SGCZ: variants seen among roughly 807,000 people sequenced by gnomAD.
The protein encoded by SGCZ is zeta-sarcoglycan.
In SGCZ, 40 loss-of-function variants were observed where a neutral mutation model predicts 41.3. The ratio of observed to expected loss-of-function variants is 0.97; its 90% CI spans 0.75 to 1.26. The LOEUF is 1.26. Among genes scored for constraint, SGCZ ranks in the 50% most tolerant of loss-of-function variants. SGCZ has a pLI of 0.00. For synonymous variants in SGCZ, 206 were observed against 137.5 expected, an observed-to-expected ratio of 1.50 and a Z score of -3.49; for missense variants, 552 against 369.8, an observed-to-expected ratio of 1.49 and a Z score of -4.04.
At chr8:15,049,535 A>G (rs945865413) in intron 1 of SGCZ, among the ~76,000 whole-genome samples, 2 of 152,272 alleles carry the variant, frequency 1.3e-5, no homozygotes, top group Non-Finnish European at 2.9e-5. Flanking sequence ...CTGACTCTCC[A>G]ATATTGAATG....
chr8:14,356,924 A>C (rs1285477364), intron 2 of SGCZ, among the ~76,000 whole-genome samples: 1 of 152,074 alleles, frequency 6.6e-6, no homozygotes, highest in Non-Finnish European at 1.5e-5. Flanking sequence ...TAATTTTGGC[A>C]TAAGTATGCC....
intron 1 of SGCZ, among the ~76,000 whole-genome samples, chr8:14,930,458 C>T (rs566753289): frequency 1.2e-4 from 19 of 152,070 alleles, no homozygotes; most frequent in African/African-American, 3.4e-4. Context: ...ACTAGAAATA[C>T]CATTTGACTC....
At chr8:14,688,590 T>G (rs1808694821) in intron 1 of SGCZ, among the ~76,000 whole-genome samples, 1 of 152,214 alleles carries the variant, frequency 6.6e-6, no homozygotes, top group African/African-American at 2.4e-5. Context: ...CTGTTTTGGT[T>G]ACTGTAGCCT....
intron 3 of SGCZ, among the ~76,000 whole-genome samples, chr8:14,317,757 G>A (rs979496998): frequency 6.6e-6 from 1 of 151,548 alleles, no homozygotes; most frequent in African/African-American, 2.4e-5. Context: ...TGTGATTTTT[G>A]CCATAAAAGT....
At chr8:14,375,530 C>T (rs1231617468) in intron 2 of SGCZ, among the ~76,000 whole-genome samples, 2 of 152,188 alleles carry the variant, frequency 1.3e-5, no homozygotes, top group Non-Finnish European at 2.9e-5. Flanking sequence ...TAAAATAAAA[C>T]TCTCTGATTG....
chr8:14,806,576 G>T (rs1363410022), intron 1 of SGCZ, among the ~76,000 whole-genome samples: 1 of 152,318 alleles, frequency 6.6e-6, no homozygotes, highest in Non-Finnish European at 1.5e-5. Flanking sequence ...ATCTGAAAAT[G>T]TGGCAATAAT....
At chr8:14,134,195 T>C (rs1286107848) in intron 5 of SGCZ, among the ~76,000 whole-genome samples, 1 of 152,212 alleles carries the variant, frequency 6.6e-6, no homozygotes, top group Non-Finnish European at 1.5e-5. Flanking sequence ...AAAACTTCCA[T>C]TTTCACTAGG....
intron 4 of SGCZ, among the ~76,000 whole-genome samples, chr8:14,221,482 T>C (rs946507047): frequency 3.9e-5 from 6 of 152,308 alleles, no homozygotes; most frequent in African/African-American, 1.4e-4. Flanking sequence ...GTCAAAATAA[T>C]ACTGAACCAA....
At chr8:14,933,295 T>C (rs1036041121) in intron 1 of SGCZ, among the ~76,000 whole-genome samples, 1 of 151,804 alleles carries the variant, frequency 6.6e-6, no homozygotes, top group African/African-American at 2.4e-5. Flanking sequence ...CATTTGAAGG[T>C]TCATGCAGAC....
intron 5 of SGCZ, among the ~76,000 whole-genome samples, chr8:14,142,087 T>C (rs1452461127): frequency 1.3e-5 from 2 of 152,164 alleles, no homozygotes; most frequent in African/African-American, 4.8e-5. Context: ...AAACACCGCA[T>C]GTTCTCACTC....
intron 2 of SGCZ, among the ~76,000 whole-genome samples, chr8:14,358,923 T>G (rs1803401955): frequency 6.6e-6 from 1 of 152,150 alleles, no homozygotes; most frequent in Non-Finnish European, 1.5e-5. Context: ...ATAGTATTCT[T>G]TAAGGGCAAA....
At chr8:14,555,949 C>A (rs1266203521) in intron 1 of SGCZ, among the ~76,000 whole-genome samples, 3 of 151,836 alleles carry the variant, frequency 2.0e-5, no homozygotes, top group Non-Finnish European at 4.4e-5. Flanking sequence ...ATATATTATA[C>A]CATACTATTT....
intron 1 of SGCZ, among the ~76,000 whole-genome samples, chr8:14,815,379 A>T (rs1801872142): frequency 7.8e-6 from 1 of 128,052 alleles, no homozygotes; most frequent in African/African-American, 3.6e-5. Flanking sequence ...AGCAACTTGT[A>T]TGATTTTTTT....
intron 1 of SGCZ, among the ~76,000 whole-genome samples, chr8:14,868,264 T>G (rs765537524): frequency 6.6e-6 from 1 of 152,172 alleles, no homozygotes; most frequent in Non-Finnish European, 1.5e-5. Flanking sequence ...ACCTCCCTCC[T>G]TGGTAAGCTC....
chr8:14,627,269 T>G (rs2410200), intron 1 of SGCZ, among the ~76,000 whole-genome samples: 103,381 of 151,958 alleles, frequency 0.68, 35,360 homozygotes, highest in East Asian at 0.79. Context: ...ACATCTTCTG[T>G]GGGTAAAATA....
intron 1 of SGCZ, among the ~76,000 whole-genome samples, chr8:15,079,705 G>T (rs570313886): frequency 1.3e-5 from 2 of 152,278 alleles, no homozygotes; most frequent in African/African-American, 4.8e-5. Context: ...TCTATTCAGA[G>T]ATTCCAACAA....
At chr8:14,753,018 C>T (rs893266192) in intron 1 of SGCZ, among the ~76,000 whole-genome samples, 1 of 151,790 alleles carries the variant, frequency 6.6e-6, no homozygotes, top group Non-Finnish European at 1.5e-5. Context: ...TGGAAACTCT[C>T]CGTACTGTAA....
chr8:14,515,422 G>A (rs915385013), intron 2 of SGCZ, among the ~76,000 whole-genome samples: 1 of 152,048 alleles, frequency 6.6e-6, no homozygotes, highest in Non-Finnish European at 1.5e-5. Context: ...TCCAGAATAA[G>A]ACAACATACG....
At chr8:15,136,971 G>C (rs1396703262) in intron 1 of SGCZ, among the ~76,000 whole-genome samples, 1 of 152,152 alleles carries the variant, frequency 6.6e-6, no homozygotes, top group Non-Finnish European at 1.5e-5. Context: ...GGAAAATGTG[G>C]GAAAGTTTGG....
Sources: gnomAD v4.1 joint callset for allele counts (sites outside exome capture counted in the v4.1 genomes callset) on GRCh38, gnomAD v4.1.1 for gene constraint, MANE v1.5 for transcripts, NCBI Gene and HGNC (gene_info 2026-07-23, HGNC 2026-07-21) for gene names.